Variants in MDM4 observed in about 807,000 individuals in gnomAD.
The protein encoded by MDM4 is MDM4 regulator of p53.
In MDM4, 2 loss-of-function variants were observed where a neutral mutation model predicts 60.2. The observed-to-expected ratio is 0.03, with a 90% CI of 0.01 to 0.10. MDM4 has a LOEUF of 0.10. MDM4 is among the 10% of genes least tolerant of loss of function. The pLI is 1.00. For synonymous variants in MDM4, 202 were observed against 198.1 expected, an observed-to-expected ratio of 1.02 and a Z score of -0.17; for missense variants, 447 against 577.5, an observed-to-expected ratio of 0.77 and a Z score of 2.32.
intron 1 of MDM4, among the ~76,000 whole-genome samples, chr1:204,519,991 T>C (rs1182560623): frequency 6.6e-6 from 1 of 151,824 alleles, no homozygotes; most frequent in East Asian, 1.9e-4. Flanking sequence ...AGAACTACCA[T>C]TTTAGGCTGG....
chr1:204,528,332 C>A (rs957196192), intron 3 of MDM4, among the ~76,000 whole-genome samples: 1 of 152,220 alleles, frequency 6.6e-6, no homozygotes, highest in African/African-American at 2.4e-5. Context: ...GAAGTTAATA[C>A]CCAAGGATTT....
At chr1:204,539,065 C>T (rs1297324957) in intron 7 of MDM4, among the ~76,000 whole-genome samples, 1 of 151,952 alleles carries the variant, frequency 6.6e-6, no homozygotes, top group Non-Finnish European at 1.5e-5. Flanking sequence ...GATGGGGTTT[C>T]CCCACGTTGG....
intron 7 of MDM4, among the ~76,000 whole-genome samples, chr1:204,538,554 C>G (rs953807810): frequency 5.3e-5 from 8 of 152,158 alleles, no homozygotes; most frequent in African/African-American, 1.9e-4. Context: ...TAGAAAATAG[C>G]TACACATTTA....
chr1:204,544,646 C>G lies in MDM4; in HGVS notation c.784C>G (p.Gln262Glu), dbSNP rs1257369938. 1 of 1,613,092 alleles carries G rather than the reference C, an allele frequency of 6.2e-7. No homozygotes were observed. Among genetic ancestry groups the G allele is most frequent in the East Asian group, 2.2e-5 (1 of 44,840 alleles). Residue 262 changes from glutamine to glutamate, a missense_variant, in exon 9 of 11, where the codon CAA (glutamine) becomes GAA (glutamate). Physicochemically the swap from Gln to Glu is conservative, Grantham distance 29. Coordinates refer to ENST00000367182, the MANE Select transcript of MDM4 (RefSeq NM_002393.5). ...GIKVEAADTE[Q>E]TSEEVGKVSD... ...AAAAGTTGAAGCTGCTGATACTGAA[C>G]AAACAAGTGAAGAAGTAGGGAAAGT...
chr1:204,531,876 T>G (rs1206474556), intron 4 of MDM4, among the ~76,000 whole-genome samples: 1 of 151,954 alleles, frequency 6.6e-6, no homozygotes, highest in Non-Finnish European at 1.5e-5. Context: ...CCAATTACAA[T>G]GTGAAACTTC....
intron 1 of MDM4, among the ~76,000 whole-genome samples, chr1:204,520,838 T>C (rs2102288975): frequency 6.6e-6 from 1 of 152,312 alleles, no homozygotes; most frequent in East Asian, 1.9e-4. Flanking sequence ...TTTGTGCCAC[T>C]GTACTCCAGC....
intron 3 of MDM4, among the ~76,000 whole-genome samples, chr1:204,527,064 G>A (rs988018915): frequency 1.3e-5 from 2 of 151,830 alleles, no homozygotes; most frequent in East Asian, 3.9e-4. Context: ...GGAGGCTGAG[G>A]TGGAGGGATT....
In MDM4 at chr1:204,549,727, C is replaced by T. The variant is rs1663023164; in HGVS notation, c.*45C>T. On this transcript the variant is annotated 3_prime_UTR_variant, in exon 11 of 11. Transcript: ENST00000367182. ...ATGCATTTATTCCGTTCACTTACCA[C>T]ATTATTTGAAAATCAATCCTTTATT... 1 of 1,093,650 alleles carries T rather than the reference C, an allele frequency of 9.1e-7. No individual in the cohort carries two copies. The highest frequency in any genetic ancestry group is 1.8e-5 in the South Asian group (1 of 56,778). 67.7% of individuals were successfully genotyped at this position (1,093,650 alleles called of 1,614,324 possible).
chr1:204,549,261 A>C lies in MDM4; in HGVS notation c.1052A>C (p.Glu351Ala). The C allele has an allele frequency of 1.9e-6, 3 of 1,614,180 alleles. No homozygotes were observed. Among genetic ancestry groups the C allele is most frequent in the Non-Finnish European group, 2.5e-6 (3 of 1,180,006 alleles). ...LSTSDITAIP[E>A]KENEGNDVPD... Reference sequence around the variant, plus strand: ...ACGTCTGATATCACTGCCATACCTGAAAAGGAAAATGAAGGAAATGATGTC... The same window carrying C: ...ACGTCTGATATCACTGCCATACCTGCAAAGGAAAATGAAGGAAATGATGTC... The change falls in exon 11 of 11, where the codon GAA becomes GCA. Residue 351 changes from glutamate (E) to alanine (A), a missense_variant. Around this residue, in one of 8 missense-constraint regions of MDM4, gnomAD observed 117 missense variants for 114.5 expected, o/e 1.02. Transcript: ENST00000367182.
rs185319841 is a variant in MDM4 at position 204,537,113 on chromosome 1, C to T, written c.344-317C>T. On this transcript the variant is annotated intron_variant, in intron 5 of 10. Coordinates refer to ENST00000367182, the MANE Select transcript of MDM4 (RefSeq NM_002393.5). Reference sequence around the variant, plus strand: ...AGGAAGAGATGACAAAAATAGACTCCATTATGTCCTGCTTGGAACCAGTTT... The same window carrying T: ...AGGAAGAGATGACAAAAATAGACTCTATTATGTCCTGCTTGGAACCAGTTT... The T allele has an allele frequency of 3.6e-3, 1,227 of 337,608 alleles. 5 individuals carry two copies. Among genetic ancestry groups the T allele is most frequent in the Non-Finnish European group, 5.2e-3 (940 of 181,560 alleles). 20.9% of individuals were successfully genotyped at this position (337,608 alleles called of 1,614,324 possible).
chr1:204,547,106 A>G (rs555119755), intron 10 of MDM4, among the ~76,000 whole-genome samples: 72 of 152,308 alleles, frequency 4.7e-4, no homozygotes, highest in African/African-American at 1.7e-3. Context: ...AAAGGATGAG[A>G]TAAATGCCTC....
chr1:204,544,179 T>A (rs909711047), intron 8 of MDM4, among the ~76,000 whole-genome samples: 1 of 152,234 alleles, frequency 6.6e-6, no homozygotes, highest in African/African-American at 2.4e-5. Flanking sequence ...ATGGAATGTT[T>A]TGTAGCTTCT....
intron 7 of MDM4, among the ~76,000 whole-genome samples, chr1:204,541,968 A>G (rs181606629): frequency 2.0e-5 from 3 of 152,236 alleles, no homozygotes; most frequent in Admixed American, 2.0e-4. Context: ...AAGGAGCAGT[A>G]GAGCCCAACA....
chr1:204,532,043 G>C lies in MDM4; in HGVS notation c.288-148G>C, dbSNP rs1660909791. On this transcript the variant is annotated intron_variant, in intron 4 of 10. Transcript: ENST00000367182. ...CTTAATATTTAAATAATTAAAAACT[G>C]TTCTGGGAAAAAGATTCTGCCTTTG... The C allele has an allele frequency of 1.5e-5, 8 of 542,076 alleles. No individual in the cohort carries two copies. The South Asian group carries it at 2.2e-4, about 15-fold the overall frequency. The allele number at this position is 542,076 out of a possible 1,614,324, so 33.6% of individuals were successfully genotyped here.
intron 1 of MDM4, among the ~76,000 whole-genome samples, chr1:204,519,132 A>T (rs774766331): frequency 6.6e-6 from 1 of 152,202 alleles, no homozygotes; most frequent in African/African-American, 2.4e-5. Flanking sequence ...AGATACGACT[A>T]AACAGTGCAA....
At chr1:204,542,991 G>T (rs377484744) in intron 8 of MDM4, 47 bp downstream of exon 8, 35 of 1,495,702 alleles carry the variant, frequency 2.3e-5, no homozygotes, top group African/African-American at 1.1e-4. Context: ...TTTTGAAAGG[G>T]TAACATTCTT....
chr1:204,535,483 C>G (rs1471637337), intron 5 of MDM4, among the ~76,000 whole-genome samples: 2 of 148,272 alleles, frequency 1.3e-5, no homozygotes, highest in East Asian at 4.0e-4. Flanking sequence ...TCTAAATTGT[C>G]TCTCCAAATT....
At chr1:204,527,583 C>T (rs1393951521) in intron 3 of MDM4, among the ~76,000 whole-genome samples, 2 of 148,580 alleles carry the variant, frequency 1.3e-5, no homozygotes. Flanking sequence ...GCGGAGGTTG[C>T]GGTGAGCCAA....
intron 10 of MDM4, 32 bp from the exon 11 acceptor site, chr1:204,549,081 T>A (rs746751160): frequency 3.8e-5 from 50 of 1,309,606 alleles, no homozygotes; most frequent in Non-Finnish European, 4.8e-5. Flanking sequence ...ATTAACCCCC[T>A]GAGTATTAAT....
Sources: allele counts gnomAD v4.1 joint callset (sites outside exome capture counted in the v4.1 genomes callset), GRCh38; gene constraint gnomAD v4.1.1; regional missense constraint gnomAD v4.1.1; transcripts MANE v1.5; gene names NCBI Gene and HGNC (gene_info 2026-07-23, HGNC 2026-07-21).